Variants in ZMYM2 observed in about 807,000 individuals in gnomAD.
ZMYM2 encodes the protein zinc finger MYM-type containing 2, also known as zinc finger MYM-type protein 2.
Under a neutral mutation model 162.8 loss-of-function variants are expected in ZMYM2, and 56 were observed. The ratio of observed to expected loss-of-function variants is 0.34; its 90% CI spans 0.28 to 0.43. The LOEUF (loss-of-function observed/expected upper bound fraction) is 0.43. Among genes scored for constraint, ZMYM2 ranks in the 20% least tolerant of loss-of-function variants. The pLI is 1.00. For synonymous variants in ZMYM2, 510 were observed against 541.6 expected, an observed-to-expected ratio of 0.94 and a Z score of 0.81; for missense variants, 1,275 against 1,621.8, an observed-to-expected ratio of 0.79 and a Z score of 3.67.
chr13:20,046,079 A>C (rs992514421), intron 12 of ZMYM2, among the ~76,000 whole-genome samples: 21 of 109,736 alleles, frequency 1.9e-4, no homozygotes, highest in Admixed American at 5.0e-4. Flanking sequence ...CCATCTCTGC[A>C]AAAAAAAAAA....
chr13:19,985,344 T>A (rs950935954), intron 2 of ZMYM2, among the ~76,000 whole-genome samples: 5 of 152,120 alleles, frequency 3.3e-5, no homozygotes, highest in African/African-American at 7.2e-5. Flanking sequence ...GGCTGGTCTC[T>A]AACTCCTAGA....
At chr13:19,978,443 T>C (rs1402255976) in intron 2 of ZMYM2, among the ~76,000 whole-genome samples, 1 of 151,718 alleles carries the variant, frequency 6.6e-6, no homozygotes, top group Non-Finnish European at 1.5e-5. Context: ...TGAGACGAAG[T>C]TTTGCTCTTG....
the ZMYM2 span, chr13:19,864,559 G>C: frequency 6.5e-6 from 1 of 154,192 alleles, no homozygotes; most frequent in Non-Finnish European, 1.5e-5. Flanking sequence ...CTCCCTTGGA[G>C]CTGGGCTCTC....
chr13:19,951,508 G>A, the ZMYM2 span, among the ~76,000 whole-genome samples: 22 of 114,956 alleles, frequency 1.9e-4, no homozygotes, highest in Admixed American at 9.0e-4. Flanking sequence ...TGGTCAACAC[G>A]GTGAAACCCC....
intron 6 of ZMYM2, among the ~76,000 whole-genome samples, chr13:20,008,661 G>A (rs951926076): frequency 6.6e-6 from 1 of 152,142 alleles, no homozygotes; most frequent in Non-Finnish European, 1.5e-5. Context: ...TCAAAAATGT[G>A]CATACATTCT....
In ZMYM2 at chr13:20,087,628, A is replaced by G. The variant is rs1958348233; in HGVS notation, c.*1614A>G. On this transcript the variant is annotated 3_prime_UTR_variant, in exon 25 of 25. Transcript: ENST00000610343. Reference sequence around the variant, plus strand: ...TTTGGAAAATTTCACAGGTGTCATTATTGTATATCTAAGCAATAATTATCT... The same window carrying G: ...TTTGGAAAATTTCACAGGTGTCATTGTTGTATATCTAAGCAATAATTATCT... The G allele has an allele frequency of 1.1e-5, 2 of 184,440 alleles. No individual in the cohort carries two copies. Among genetic ancestry groups the G allele is most frequent in the South Asian group, 2.0e-4 (1 of 5,090 alleles). 11.4% of individuals were successfully genotyped at this position (184,440 alleles called of 1,614,324 possible).
intron 2 of ZMYM2, among the ~76,000 whole-genome samples, chr13:19,971,262 A>ATATATATTTT (rs1329532735): frequency 1.3e-5 from 1 of 78,332 alleles, no homozygotes; most frequent in East Asian, 6.4e-4. Context: ...ATATATATAT[A>ATATATATTTT]TTTTTTTTTT....
At chr13:20,049,125 A>G (rs2140530724) in intron 12 of ZMYM2, among the ~76,000 whole-genome samples, 1 of 152,026 alleles carries the variant, frequency 6.6e-6, no homozygotes, top group African/African-American at 2.4e-5. Flanking sequence ...ACAACCTCCA[A>G]AATTTTGATT....
upstream of ZMYM2, among the ~76,000 whole-genome samples, chr13:19,954,126 A>ATTTTTTTTTTTTTTTTATTTTTTT (rs1954471974): frequency 1.5e-5 from 1 of 64,880 alleles, no homozygotes; most frequent in Non-Finnish European, 3.0e-5. Context: ...GCTATGTTTA[A>ATTTTTTTTTTTTTTTTATTTTTTT]TTTTTTTTTT....
chr13:19,991,079 C>CTGTG (rs56666919), intron 2 of ZMYM2, among the ~76,000 whole-genome samples: 4,210 of 59,848 alleles, frequency 0.07, 124 homozygotes, highest in Middle Eastern at 0.12. Context: ...TATGTATTTT[C>CTGTG]TGTGTGTGTG....
the ZMYM2 span, among the ~76,000 whole-genome samples, chr13:19,875,796 G>A: frequency 6.6e-6 from 1 of 151,878 alleles, no homozygotes; most frequent in East Asian, 1.9e-4. Flanking sequence ...ATAAAGATAG[G>A]AACAATAGAC....
chr13:20,058,690 A>G lies in ZMYM2; in HGVS notation c.2609A>G (p.Lys870Arg), dbSNP rs985464639. The G allele has an allele frequency of 1.9e-6, 3 of 1,613,600 alleles. No individual in the cohort carries two copies. In the East Asian group the frequency reaches 6.7e-5, roughly 36 times the overall value. ...ATYCKPHMQTKSCQTDDTWRT... is the reference protein window; with the variant it reads ...ATYCKPHMQTRSCQTDDTWRT... ...TACTGTAAACCTCACATGCAGACCA[A>G]ATCTTGTCAGACAGGTAACTTAGGA... is the stretch of plus-strand genomic sequence containing the variant. The change falls in exon 15 of 25, where the codon AAA (lysine) becomes AGA (arginine). Residue 870 changes from lysine (K) to arginine (R), a missense_variant. By Grantham distance (26) the Lys-to-Arg change is conservative. Coordinates refer to ENST00000610343, the MANE Select transcript of ZMYM2 (RefSeq NM_197968.4).
intron 7 of ZMYM2, chr13:20,024,817 T>C (rs1227921687): frequency 4.6e-6 from 1 of 215,424 alleles, no homozygotes; most frequent in Non-Finnish European, 9.4e-6. Context: ...TGACAAATAT[T>C]TTTGAAGGAG....
intron 21 of ZMYM2, 51 bp downstream of exon 21, chr13:20,067,441 T>C: frequency 6.7e-7 from 1 of 1,492,814 alleles, no homozygotes; most frequent in Non-Finnish European, 9.0e-7. Context: ...AGAAAAGTTG[T>C]GGTAGTTCTT....
the ZMYM2 span, among the ~76,000 whole-genome samples, chr13:19,897,229 A>G: frequency 5.9e-5 from 9 of 152,336 alleles, no homozygotes; most frequent in Non-Finnish European, 1.2e-4. Flanking sequence ...GTTATAAAAC[A>G]CACAGAAAAC....
At chr13:19,872,944 G>A in the ZMYM2 span, among the ~76,000 whole-genome samples, 3 of 151,950 alleles carry the variant, frequency 2.0e-5, no homozygotes, top group South Asian at 2.1e-4. Flanking sequence ...AGGTTGCAGT[G>A]AGCCAAGATC....
At chr13:20,046,617 GTGTATATA>G (rs1566387936) in intron 12 of ZMYM2, among the ~76,000 whole-genome samples, 23 of 52,028 alleles carry the variant, frequency 4.4e-4, no homozygotes, top group African/African-American at 1.9e-3. Context: ...GTATATATAT[GTGTATATA>G]TATGTGTATA....
At chr13:20,070,977 T>G (rs1490199231) in intron 21 of ZMYM2, 1 of 152,788 alleles carries the variant, frequency 6.5e-6, no homozygotes, top group Non-Finnish European at 1.5e-5. Flanking sequence ...TAACCTATTT[T>G]AATGATGTTA....
the ZMYM2 span, among the ~76,000 whole-genome samples, chr13:19,884,176 A>C: frequency 2.0e-5 from 3 of 152,182 alleles, no homozygotes; most frequent in Admixed American, 2.0e-4. Context: ...TACAACAGCC[A>C]GGAAACCATA....
Sources: allele counts gnomAD v4.1 joint callset (sites outside exome capture counted in the v4.1 genomes callset), GRCh38; gene constraint gnomAD v4.1.1; transcripts MANE v1.5; gene names NCBI Gene and HGNC (gene_info 2026-07-23, HGNC 2026-07-21).